UNC13C: variants seen among roughly 807,000 people sequenced by gnomAD.
The protein encoded by UNC13C is unc-13 homolog C.
A neutral mutation model predicts 245.4 loss-of-function variants in UNC13C; 174 were observed. The observed-to-expected ratio is 0.71, with a 90% CI of 0.63 to 0.80. The LOEUF (loss-of-function observed/expected upper bound fraction) is 0.80. Ranked by LOEUF, UNC13C falls within the 30% of genes least tolerant of loss-of-function variation. UNC13C has a pLI of 0.00. For missense variants in UNC13C, 2,829 were observed against 2,602.9 expected (o/e 1.09, Z -1.89); for synonymous variants, 992 against 895.1 (o/e 1.11, Z -1.93).
chr15:53,868,843 C>T, the UNC13C span, among the ~76,000 whole-genome samples: 7 of 152,272 alleles, frequency 4.6e-5, no homozygotes, highest in Non-Finnish European at 7.4e-5. Flanking sequence ...ATGGGTGGGG[C>T]TTTATGGCTC....
chr15:54,370,422 C>T (rs1406482943), intron 17 of UNC13C, among the ~76,000 whole-genome samples: 1 of 152,088 alleles, frequency 6.6e-6, no homozygotes, highest in Admixed American at 6.6e-5. Context: ...TATAGATTTA[C>T]TTACTTGTCA....
chr15:53,868,982 T>C, the UNC13C span, among the ~76,000 whole-genome samples: 1 of 152,104 alleles, frequency 6.6e-6, no homozygotes. Flanking sequence ...TGGTGGTGCA[T>C]GCCTGTAGTC....
At chr15:54,566,094 G>A (rs79232217) in intron 29 of UNC13C, among the ~76,000 whole-genome samples, 4,700 of 151,898 alleles carry the variant, frequency 0.031, 247 homozygotes, top group African/African-American at 0.11. Context: ...TCAGTTTCTA[G>A]CATTGCTCTT....
chr15:54,248,312 A>G (rs2036050102), intron 7 of UNC13C, among the ~76,000 whole-genome samples: 1 of 152,162 alleles, frequency 6.6e-6, no homozygotes, highest in South Asian at 2.1e-4. Flanking sequence ...CACAAATGCT[A>G]CATTACGCAC....
At chr15:54,607,000 T>C (rs1899801159) in intron 30 of UNC13C, among the ~76,000 whole-genome samples, 1 of 152,214 alleles carries the variant, frequency 6.6e-6, no homozygotes, top group Admixed American at 6.5e-5. Context: ...ATAAAGAGAC[T>C]ATTTCCTGTG....
intron 32 of UNC13C, 77 bp from the exon 33 acceptor site, chr15:54,626,751 A>G (rs1901186537): frequency 2.4e-6 from 3 of 1,247,680 alleles, no homozygotes; most frequent in Non-Finnish European, 3.3e-6. Flanking sequence ...TACAGTTTTC[A>G]GCAGTATTTG....
intron 8 of UNC13C, among the ~76,000 whole-genome samples, chr15:54,259,660 T>C (rs752849816): frequency 2.0e-5 from 3 of 152,222 alleles, no homozygotes; most frequent in Non-Finnish European, 4.4e-5. Context: ...CACTGAAGCA[T>C]TGATAGGTAC....
chr15:53,921,500 A>G, the UNC13C span, among the ~76,000 whole-genome samples: 40 of 152,218 alleles, frequency 2.6e-4, no homozygotes, highest in Non-Finnish European at 5.1e-4. Flanking sequence ...CTCTGTGGAG[A>G]CTATATATTG....
chr15:53,955,349 GT>G, the UNC13C span, among the ~76,000 whole-genome samples: 6 of 151,718 alleles, frequency 4.0e-5, no homozygotes, highest in Admixed American at 3.9e-4. Flanking sequence ...CTTAGAAATA[GT>G]TTTTGATACC....
intron 4 of UNC13C, among the ~76,000 whole-genome samples, chr15:54,206,234 C>G (rs2034703509): frequency 6.6e-6 from 1 of 152,070 alleles, no homozygotes; most frequent in African/African-American, 2.4e-5. Context: ...GTTTCTCTCC[C>G]TTCTCTTTGC....
chr15:54,095,879 A>G (rs1400550941), intron 2 of UNC13C, among the ~76,000 whole-genome samples: 3 of 152,206 alleles, frequency 2.0e-5, no homozygotes, highest in African/African-American at 7.2e-5. Flanking sequence ...GGGAAAGATT[A>G]TTTTATGACC....
intron 19 of UNC13C, among the ~76,000 whole-genome samples, chr15:54,439,380 T>C (rs1890391714): frequency 6.6e-6 from 1 of 152,010 alleles, no homozygotes; most frequent in South Asian, 2.1e-4. Flanking sequence ...CAGTAAAATA[T>C]ATAAAATAGG....
At chr15:54,517,647 A>G (rs1190286420) in intron 24 of UNC13C, among the ~76,000 whole-genome samples, 1 of 152,004 alleles carries the variant, frequency 6.6e-6, no homozygotes, top group African/African-American at 2.4e-5. Context: ...GACAGAATTT[A>G]CTCCTTCGCT....
At chr15:53,965,560 T>G in the UNC13C span, among the ~76,000 whole-genome samples, 1 of 136,010 alleles carries the variant, frequency 7.4e-6, no homozygotes, top group Non-Finnish European at 1.6e-5. Context: ...ATTTATTTAT[T>G]TATTTATTTA....
intron 10 of UNC13C, among the ~76,000 whole-genome samples, chr15:54,271,472 T>A (rs1021364356): frequency 1.3e-5 from 2 of 152,206 alleles, no homozygotes; most frequent in African/African-American, 4.8e-5. Flanking sequence ...AACAAGTAAG[T>A]CTCTCTCAGT....
chr15:54,226,278 C>A (rs538781787), intron 4 of UNC13C, among the ~76,000 whole-genome samples: 25 of 152,224 alleles, frequency 1.6e-4, no homozygotes, highest in Non-Finnish European at 3.5e-4. Flanking sequence ...TTTGTCATTT[C>A]TCTTCTAGGT....
chr15:54,613,199 C>G (rs1159398166), intron 30 of UNC13C, among the ~76,000 whole-genome samples: 1 of 151,670 alleles, frequency 6.6e-6, no homozygotes, highest in Non-Finnish European at 1.5e-5. Context: ...ATTAAAATAT[C>G]CTGTTTAAAA....
chr15:54,018,078 G>T (rs1566953893), intron 2 of UNC13C, among the ~76,000 whole-genome samples: 1 of 152,132 alleles, frequency 6.6e-6, no homozygotes. Context: ...CAGTCAGGCA[G>T]TTTTCCCCAT....
the UNC13C span, among the ~76,000 whole-genome samples, chr15:53,943,488 A>G: frequency 2.0e-5 from 3 of 152,162 alleles, no homozygotes; most frequent in Non-Finnish European, 4.4e-5. Flanking sequence ...TTTCTCTTTT[A>G]TTTTGAGAGG....
Sources: gnomAD v4.1 joint callset for allele counts (sites outside exome capture counted in the v4.1 genomes callset) on GRCh38, gnomAD v4.1.1 for gene constraint, MANE v1.5 for transcripts, NCBI Gene and HGNC (gene_info 2026-07-23, HGNC 2026-07-21) for gene names.